The following FAM117B variants were observed in gnomAD, a reference collection of about 807,000 sequenced individuals.
FAM117B encodes the protein protein FAM117B.
FAM117B carries 22 observed loss-of-function variants against 52.8 expected under a neutral mutation model. The observed-to-expected ratio is 0.42, with a 90% CI of 0.30 to 0.59. The LOEUF (loss-of-function observed/expected upper bound fraction) is 0.59, where lower values mean the gene tolerates loss of function less well. FAM117B is among the 20% of genes least tolerant of loss of function. The pLI, the probability that FAM117B is intolerant of heterozygous loss-of-function variation, is 0.22. For missense variants in FAM117B, 678 were observed against 802.6 expected (o/e 0.84, Z 1.88); for synonymous variants, 309 against 324.1 (o/e 0.95, Z 0.50).
Position 202,665,207 on chromosome 2 carries a change from A to C in FAM117B, c.601+29419A>C, listed in dbSNP as rs1450074310. 4.0e-5 allele frequency among the ~76,000 whole-genome samples: 6 copies of C among 148,934 alleles called. No individual in the cohort carries two copies. In the South Asian group the frequency reaches 1.3e-3, roughly 32 times the overall value. ...TTTTCTTTTTTTTTTTTTGAGACAG[A>C]GTTTCGTATGCTGCCCAGCTGGAGT... On this transcript the variant is annotated intron_variant, in intron 1 of 7. Transcript: ENST00000392238.
At chr2:202,730,966 G>A (rs1285991519) in intron 4 of FAM117B, among the ~76,000 whole-genome samples, 3 of 152,146 alleles carry the variant, frequency 2.0e-5, no homozygotes, top group Admixed American at 2.0e-4. Flanking sequence ...ATAACCCACA[G>A]AATAGGATAA....
chr2:202,730,138 G>C (rs1574572570), intron 4 of FAM117B, among the ~76,000 whole-genome samples: 1 of 152,068 alleles, frequency 6.6e-6, no homozygotes, highest in East Asian at 1.9e-4. Context: ...ATACATTATT[G>C]GCATTCAATC....
chr2:202,764,581 T>C (rs1276729626), intron 7 of FAM117B, among the ~76,000 whole-genome samples: 1 of 152,216 alleles, frequency 6.6e-6, no homozygotes, highest in East Asian at 1.9e-4. Context: ...ATTTAGATTT[T>C]TATTGTCATT....
At position 202,769,102 on chromosome 2, in the gene FAM117B, ATACTTAT is replaced by A. The variant is rs1692031327; in HGVS notation, c.*3339_*3345del. 2 of 152,136 alleles carry A rather than the reference ATACTTAT, an allele frequency of 1.3e-5. No individual in the cohort carries two copies. Among genetic ancestry groups the A allele is most frequent in the Non-Finnish European group, 2.9e-5 (2 of 68,016 alleles). 9.4% of individuals were successfully genotyped at this position (152,136 alleles called of 1,614,324 possible). ...ATTTGTTTTATATTTCTTATACTTA[ATACTTAT>A]GACTACAGTCCAAATCAGTCTTTTA... is the stretch of plus-strand genomic sequence containing the variant. On this transcript the variant is annotated 3_prime_UTR_variant, in exon 8 of 8. Transcript: ENST00000392238.
chr2:202,703,455 G>A (rs983940081), intron 2 of FAM117B, among the ~76,000 whole-genome samples: 10 of 152,154 alleles, frequency 6.6e-5, no homozygotes, highest in Non-Finnish European at 1.2e-4. Flanking sequence ...TGGGTTCAAG[G>A]GATGCCTCCC....
intron 7 of FAM117B, among the ~76,000 whole-genome samples, chr2:202,760,087 T>C (rs1178875574): frequency 6.6e-6 from 1 of 152,258 alleles, no homozygotes; most frequent in Non-Finnish European, 1.5e-5. Flanking sequence ...AGCTAACATT[T>C]TGCAGTATTT....
chr2:202,691,744 G>A lies in FAM117B; in HGVS notation c.602-4137G>A, dbSNP rs147319302. Among the ~76,000 whole-genome samples, 210 of 151,444 alleles carry A rather than the reference G, an allele frequency of 1.4e-3. 5 individuals are homozygous for A. The East Asian group carries it at 0.04, about 29-fold the overall frequency. On this transcript the variant is annotated intron_variant, in intron 1 of 7. Transcript: ENST00000392238. Reference sequence around the variant, plus strand: ...TGCCAGCTGAGACTAGTTTTCTTGCGACTATCCCGAAAGGGATTTTTTTTT... The same window carrying A: ...TGCCAGCTGAGACTAGTTTTCTTGCAACTATCCCGAAAGGGATTTTTTTTT...
intron 1 of FAM117B, among the ~76,000 whole-genome samples, chr2:202,645,193 T>G (rs1420769872): frequency 6.6e-6 from 1 of 152,090 alleles, no homozygotes; most frequent in Non-Finnish European, 1.5e-5. Context: ...CCCAGGCTGG[T>G]CTGGAACTCC....
intron 4 of FAM117B, among the ~76,000 whole-genome samples, chr2:202,728,620 T>G (rs1264592642): frequency 6.6e-6 from 1 of 152,182 alleles, no homozygotes; most frequent in Non-Finnish European, 1.5e-5. Context: ...CACTTTTTAC[T>G]CCCAGTCCAT....
At chr2:202,755,293 C>G (rs767985151) in intron 4 of FAM117B, among the ~76,000 whole-genome samples, 3 of 152,052 alleles carry the variant, frequency 2.0e-5, no homozygotes, top group Non-Finnish European at 4.4e-5. Flanking sequence ...TTTATTTATC[C>G]CTGTTCCCTT....
At chr2:202,639,124 A>G (rs965065686) in intron 1 of FAM117B, among the ~76,000 whole-genome samples, 2 of 152,218 alleles carry the variant, frequency 1.3e-5, no homozygotes, top group African/African-American at 4.8e-5. Flanking sequence ...GTAAAGGGTA[A>G]GGGTCTACCC....
intron 1 of FAM117B, among the ~76,000 whole-genome samples, chr2:202,684,476 T>C (rs1690508609): frequency 6.6e-6 from 1 of 152,208 alleles, no homozygotes; most frequent in Admixed American, 6.5e-5. Flanking sequence ...GTTCTCTCCC[T>C]TTTTCTTCAG....
intron 1 of FAM117B, among the ~76,000 whole-genome samples, chr2:202,638,357 A>G (rs1689718209): frequency 6.6e-6 from 1 of 152,172 alleles, no homozygotes; most frequent in African/African-American, 2.4e-5. Flanking sequence ...CAACTGTTTG[A>G]CACTCAGAGA....
At position 202,724,627 on chromosome 2, in the gene FAM117B, T is replaced by A. The variant is rs141487802; in HGVS notation, c.754-290T>A. On this transcript the variant is annotated intron_variant, in intron 2 of 7. Coordinates refer to ENST00000392238, the MANE Select transcript of FAM117B (RefSeq NM_173511.4). ...TGTTAGTTAACTATGGTAACTCTAG[T>A]TATTATATATAGTTAACTTTGTTCC... is the stretch of plus-strand genomic sequence containing the variant. Among the ~76,000 whole-genome samples, 1,013 of 152,312 alleles carry A rather than the reference T, an allele frequency of 6.7e-3. 4 individuals are homozygous for A. The highest frequency in any genetic ancestry group is 0.025 in the South Asian group (121 of 4,818).
At chr2:202,687,572 G>C (rs746720511) in intron 1 of FAM117B, among the ~76,000 whole-genome samples, 45 of 152,040 alleles carry the variant, frequency 3.0e-4, no homozygotes, top group Non-Finnish European at 4.4e-4. Context: ...ACCACATCTG[G>C]CTTATTTTTA....
Position 202,768,694 on chromosome 2 carries a change from A to C in FAM117B, c.*2930A>C, listed in dbSNP as rs1017620207. ...ATAGAATGCATAATGTTGGTTTCTA[A>C]AGTTACACTCCATAATTATTGTTAT... On this transcript the variant is annotated 3_prime_UTR_variant, in exon 8 of 8. Coordinates refer to ENST00000392238, the MANE Select transcript of FAM117B (RefSeq NM_173511.4). The C allele has an allele frequency of 6.6e-6, 1 of 152,582 alleles. No homozygotes were observed. Among genetic ancestry groups the C allele is most frequent in the Non-Finnish European group, 1.5e-5 (1 of 67,998 alleles). 9.5% of individuals were successfully genotyped at this position (152,582 alleles called of 1,614,324 possible). A position where few individuals can be genotyped will look rare whatever the true frequency, so the allele number is the denominator to read the frequency against.
At chr2:202,753,498 G>A (rs1691755609) in intron 4 of FAM117B, among the ~76,000 whole-genome samples, 1 of 152,082 alleles carries the variant, frequency 6.6e-6, no homozygotes, top group Non-Finnish European at 1.5e-5. Flanking sequence ...TGCAACAAAA[G>A]CCAAAATTGA....
intron 1 of FAM117B, among the ~76,000 whole-genome samples, chr2:202,688,383 T>C (rs565344759): frequency 7.6e-4 from 116 of 152,272 alleles, no homozygotes; most frequent in Middle Eastern, 3.4e-3. Context: ...TTCGTGTGTG[T>C]GTTGCAAGAA....
chr2:202,664,296 G>A (rs1029037034), intron 1 of FAM117B, among the ~76,000 whole-genome samples: 2 of 152,154 alleles, frequency 1.3e-5, no homozygotes, highest in African/African-American at 4.8e-5. Context: ...TGCCATTTGT[G>A]TATATGGTAG....
Sources: allele counts gnomAD v4.1 joint callset (sites outside exome capture counted in the v4.1 genomes callset), GRCh38; gene constraint gnomAD v4.1.1; transcripts MANE v1.5; gene names NCBI Gene and HGNC (gene_info 2026-07-23, HGNC 2026-07-21).